Variants in LRRC7 observed in about 807,000 individuals in gnomAD.
The protein encoded by LRRC7 is leucine-rich repeat-containing protein 7.
Under a neutral mutation model 175.7 loss-of-function variants are expected in LRRC7, and 23 were observed. The ratio of observed to expected loss-of-function variants is 0.13; its 90% CI spans 0.09 to 0.19. The LOEUF (loss-of-function observed/expected upper bound fraction) is 0.19, where lower values mean the gene tolerates loss of function less well. LRRC7 is among the 10% of genes least tolerant of loss of function. The pLI is 1.00. For missense variants in LRRC7, 1,354 were observed against 1,904.7 expected, an observed-to-expected ratio of 0.71 and a Z score of 5.38; for synonymous variants, 685 against 680.9, an observed-to-expected ratio of 1.01 and a Z score of -0.09.
chr1:69,698,732 A>T (rs185957962), intron 2 of LRRC7, among the ~76,000 whole-genome samples: 5 of 152,280 alleles, frequency 3.3e-5, no homozygotes, highest in Admixed American at 3.3e-4. Context: ...TGAAAGGGGG[A>T]TAGTCTTACC....
intron 7 of LRRC7, among the ~76,000 whole-genome samples, chr1:69,881,522 G>C (rs892196744): frequency 6.6e-6 from 1 of 151,924 alleles, no homozygotes; most frequent in Non-Finnish European, 1.5e-5. Context: ...GGCAACAAAA[G>C]AAAAACAAAT....
intron 11 of LRRC7, among the ~76,000 whole-genome samples, chr1:70,008,833 G>A (rs1018661064): frequency 6.6e-6 from 1 of 152,122 alleles, no homozygotes; most frequent in African/African-American, 2.4e-5. Context: ...AATAACAGAA[G>A]GGCAATGACC....
Position 69,834,876 on chromosome 1 carries a change from A to C in LRRC7, c.590+7A>C. 6.2e-7 allele frequency: 1 copy of C among 1,606,472 alleles called. No individual in the cohort carries two copies. Among genetic ancestry groups the C allele is most frequent in the Non-Finnish European group, 8.5e-7 (1 of 1,173,370 alleles). ...TTCCAGCCAATTTTGGAAGGTAAGAATAAGAAATTTAAATTATGCAATTAT... is the reference window on the plus strand; with the variant it reads ...TTCCAGCCAATTTTGGAAGGTAAGACTAAGAAATTTAAATTATGCAATTAT... On this transcript the variant is annotated splice_region_variant and intron_variant, in intron 6 of 26. Transcript: ENST00000651989.
At chr1:69,796,609 G>A (rs1458513300) in intron 4 of LRRC7, among the ~76,000 whole-genome samples, 1 of 151,822 alleles carries the variant, frequency 6.6e-6, no homozygotes, top group African/African-American at 2.4e-5. Context: ...ACATGGAGAA[G>A]CCCTGCCTCT....
intron 2 of LRRC7, among the ~76,000 whole-genome samples, chr1:69,747,618 C>A (rs1255530329): frequency 6.6e-6 from 1 of 152,040 alleles, no homozygotes; most frequent in Non-Finnish European, 1.5e-5. Context: ...ATCTTGTTGC[C>A]TTTCATCATT....
intron 1 of LRRC7, among the ~76,000 whole-genome samples, chr1:69,583,422 C>T (rs1444356307): frequency 6.6e-6 from 1 of 152,012 alleles, no homozygotes; most frequent in Non-Finnish European, 1.5e-5. Context: ...TCTTGGGAAA[C>T]TAGTTGGACT....
At chr1:69,579,004 A>G (rs532774670) in intron 1 of LRRC7, among the ~76,000 whole-genome samples, 1 of 152,232 alleles carries the variant, frequency 6.6e-6, no homozygotes, top group African/African-American at 2.4e-5. Context: ...AGTCCTGGTA[A>G]TATGGATGAA....
chr1:69,819,092 CT>C (rs1260783648), intron 4 of LRRC7, among the ~76,000 whole-genome samples: 1 of 151,962 alleles, frequency 6.6e-6, no homozygotes, highest in East Asian at 1.9e-4. Context: ...TCATTTACTG[CT>C]GCTCTGATAT....
At chr1:69,907,779 A>G (rs563440349) in intron 7 of LRRC7, among the ~76,000 whole-genome samples, 10 of 152,296 alleles carry the variant, frequency 6.6e-5, no homozygotes, top group Admixed American at 5.2e-4. Flanking sequence ...GCCTCATAAA[A>G]TGAGTTAGGG....
intron 1 of LRRC7, among the ~76,000 whole-genome samples, chr1:69,666,344 G>A (rs977297358): frequency 2.0e-5 from 3 of 152,044 alleles, no homozygotes; most frequent in African/African-American, 4.8e-5. Context: ...GAATGAGTCT[G>A]AAAGTATTCC....
rs187136815 is a variant in LRRC7, at chr1:69,743,110, A to T, written c.101-17081A>T. 6.6e-5 allele frequency among the ~76,000 whole-genome samples: 10 copies of T among 152,140 alleles called. No homozygotes were observed. In the East Asian group the frequency reaches 1.9e-3, roughly 29 times the overall value. ...GGACTTTTCTTTCTGATAAAACTTT[A>T]AAAATAAATTTGAATTACCAGCTGG... On this transcript the variant is annotated intron_variant, in intron 2 of 26. Coordinates refer to ENST00000651989, the MANE Select transcript of LRRC7 (RefSeq NM_001370785.2).
chr1:69,652,314 C>T (rs984710534), intron 1 of LRRC7, among the ~76,000 whole-genome samples: 3 of 152,038 alleles, frequency 2.0e-5, no homozygotes. Flanking sequence ...AAAATCAACA[C>T]ACAAAAAATA....
intron 12 of LRRC7, among the ~76,000 whole-genome samples, chr1:70,012,435 A>G (rs1425909797): frequency 6.6e-6 from 1 of 151,882 alleles, no homozygotes; most frequent in Non-Finnish European, 1.5e-5. Flanking sequence ...CTTGGTGCTC[A>G]AGTTTGCTGT....
In LRRC7 at chr1:69,939,148, A is replaced by G. The variant is rs140656295; in HGVS notation, c.711+7578A>G. On this transcript the variant is annotated intron_variant, in intron 8 of 26. Transcript: ENST00000651989. Reference sequence around the variant, plus strand: ...TGGGAGTATGTCAATTTCTGTATCAATGAGAGTCCAGTCAGCAGGTGAAAA... The same window carrying G: ...TGGGAGTATGTCAATTTCTGTATCAGTGAGAGTCCAGTCAGCAGGTGAAAA... Among the ~76,000 whole-genome samples, 1,217 of 151,424 alleles carry G rather than the reference A, an allele frequency of 8.0e-3. 7 individuals are homozygous for G. The highest frequency in any genetic ancestry group is 0.014 in the Non-Finnish European group (954 of 67,850).
intron 2 of LRRC7, among the ~76,000 whole-genome samples, chr1:69,708,105 G>A (rs979338037): frequency 3.3e-5 from 5 of 152,124 alleles, no homozygotes; most frequent in Admixed American, 3.3e-4. Flanking sequence ...AGTACCAAGT[G>A]GAAATGTAGA....
At chr1:69,993,655 T>A (rs746072305) in intron 10 of LRRC7, among the ~76,000 whole-genome samples, 1 of 152,202 alleles carries the variant, frequency 6.6e-6, no homozygotes, top group Non-Finnish European at 1.5e-5. Flanking sequence ...ATTTGGCGTC[T>A]CTCAAAACAT....
intron 9 of LRRC7, among the ~76,000 whole-genome samples, chr1:69,983,258 T>C (rs766418354): frequency 1.1e-4 from 17 of 152,216 alleles, no homozygotes; most frequent in Non-Finnish European, 2.1e-4. Flanking sequence ...ACTCGAAGCC[T>C]GTGCTCACAC....
At chr1:69,798,585 A>T (rs936304698) in intron 4 of LRRC7, among the ~76,000 whole-genome samples, 2 of 152,294 alleles carry the variant, frequency 1.3e-5, no homozygotes, top group African/African-American at 4.8e-5. Context: ...ATGAGACACC[A>T]ATGTACCCAT....
intron 11 of LRRC7, 27 bp downstream of exon 11, chr1:69,994,660 T>G: frequency 6.5e-7 from 1 of 1,538,426 alleles, no homozygotes; most frequent in Non-Finnish European, 9.0e-7. Flanking sequence ...CATTCCAGTC[T>G]GCCTCTCAAA....
Sources: gnomAD v4.1 joint callset for allele counts (sites outside exome capture counted in the v4.1 genomes callset) on GRCh38, gnomAD v4.1.1 for gene constraint, MANE v1.5 for transcripts, NCBI Gene and HGNC (gene_info 2026-07-23, HGNC 2026-07-21) for gene names.